The following FER1L6 variants were observed in gnomAD, a reference collection of about 807,000 sequenced individuals.
FER1L6 encodes the protein fer-1-like protein 6.
Under a neutral mutation model 219.2 loss-of-function variants are expected in FER1L6, and 177 were observed. That is an observed-to-expected ratio of 0.81 (90% CI 0.71 to 0.91). The LOEUF is 0.91. Ranked by LOEUF, FER1L6 falls within the 40% of genes least tolerant of loss-of-function variation. The pLI, the probability that FER1L6 is intolerant of heterozygous loss-of-function variation, is 0.00. For synonymous variants in FER1L6, 768 were observed against 824.3 expected, an observed-to-expected ratio of 0.93 and a Z score of 1.17; for missense variants, 2,153 against 2,259.9, an observed-to-expected ratio of 0.95 and a Z score of 0.96.
rs768409409 is a variant in FER1L6 at position 124,069,452 on chromosome 8, A to G, written c.3811A>G (p.Ile1271Val). The change falls in exon 29 of 41, where the codon ATC (isoleucine) becomes GTC (valine). Residue 1271 changes from isoleucine to valine, a missense_variant. Physicochemically the swap from Ile to Val is conservative, Grantham distance 29 (BLOSUM62 3). Transcript: ENST00000522917. ...CAAGAAGAAACCCAAAGATGATGGA[A>G]TCCCCAACCTGGCCATCTTGCAGGT... ...MLKKKPKDDGIPNLAILQIYD... is the reference protein window; with the variant it reads ...MLKKKPKDDGVPNLAILQIYD... 3 of 1,609,864 alleles carry G rather than the reference A, an allele frequency of 1.9e-6. No individual in the cohort carries two copies. The highest frequency in any genetic ancestry group is 2.5e-6 in the Non-Finnish European group (3 of 1,178,748).
At chr8:124,076,461 G>C in intron 32 of FER1L6, 136 bp downstream of exon 32, 1 of 832,552 alleles carries the variant, frequency 1.2e-6, no homozygotes, top group South Asian at 1.8e-5. Context: ...TTCTGCTCTT[G>C]GTAATAACCA....
At chr8:124,090,384 C>T (rs2130941326) in intron 33 of FER1L6, among the ~76,000 whole-genome samples, 1 of 152,288 alleles carries the variant, frequency 6.6e-6, no homozygotes, top group East Asian at 1.9e-4. Context: ...AAGCCACAGG[C>T]AAATGGTGCA....
At chr8:123,894,211 A>G (rs1812703441) in intron 1 of FER1L6, among the ~76,000 whole-genome samples, 1 of 152,186 alleles carries the variant, frequency 6.6e-6, no homozygotes, top group Non-Finnish European at 1.5e-5. Context: ...CATCCACAGA[A>G]TGAAATGCCA....
chr8:123,857,554 T>C (rs970874866), intron 1 of FER1L6, among the ~76,000 whole-genome samples: 1 of 152,208 alleles, frequency 6.6e-6, no homozygotes, highest in African/African-American at 2.4e-5. Context: ...TAACATCATA[T>C]GCAGTTAAAA....
At chr8:123,891,318 G>C (rs1812645296) in intron 1 of FER1L6, among the ~76,000 whole-genome samples, 1 of 152,200 alleles carries the variant, frequency 6.6e-6, no homozygotes, top group South Asian at 2.1e-4. Flanking sequence ...AGAAATTACT[G>C]TGTGCTTGTT....
chr8:123,954,974 C>T (rs987659211), intron 1 of FER1L6, among the ~76,000 whole-genome samples: 1 of 152,188 alleles, frequency 6.6e-6, no homozygotes, highest in African/African-American at 2.4e-5. Context: ...TTCCTCCAGC[C>T]CAGTTTCATC....
At chr8:123,966,346 C>G in intron 5 of FER1L6, 56 bp downstream of exon 5, 1 of 1,599,994 alleles carries the variant, frequency 6.3e-7, no homozygotes, top group Non-Finnish European at 8.5e-7. Context: ...CACCACCATT[C>G]TGCAGGATCC....
chr8:123,901,497 G>A (rs1039211277), intron 1 of FER1L6, among the ~76,000 whole-genome samples: 1 of 150,952 alleles, frequency 6.6e-6, no homozygotes. Flanking sequence ...ACTTCATTTA[G>A]TTGTGCTCTG....
At chr8:123,910,283 G>C (rs1294687984) in intron 1 of FER1L6, among the ~76,000 whole-genome samples, 2 of 152,228 alleles carry the variant, frequency 1.3e-5, no homozygotes, top group African/African-American at 4.8e-5. Flanking sequence ...TAGAGAATTT[G>C]ACTGGGGAAA....
intron 35 of FER1L6, 97 bp from the exon 36 acceptor site, chr8:124,097,174 T>G (rs950819170): frequency 1.2e-6 from 1 of 840,062 alleles, no homozygotes; most frequent in Non-Finnish European, 1.9e-6. Context: ...TAACACCTAT[T>G]TCTACTAAAG....
chr8:123,904,753 A>G (rs1032037756), intron 1 of FER1L6, among the ~76,000 whole-genome samples: 3 of 152,206 alleles, frequency 2.0e-5, no homozygotes, highest in African/African-American at 7.2e-5. Context: ...AGATTCCAAG[A>G]GCATAAGATA....
At chr8:124,072,002 C>T (rs1821096673) in intron 31 of FER1L6, among the ~76,000 whole-genome samples, 1 of 152,186 alleles carries the variant, frequency 6.6e-6, no homozygotes, top group South Asian at 2.1e-4. Context: ...CAACTACAGT[C>T]ACCTTAGGAG....
chr8:124,048,574 C>T (rs919370327), intron 21 of FER1L6, among the ~76,000 whole-genome samples: 1 of 152,206 alleles, frequency 6.6e-6, no homozygotes, highest in African/African-American at 2.4e-5. Context: ...TTTTAATATC[C>T]TTTTTTGCTA....
rs146846441 is a variant in FER1L6, at chr8:124,074,712, G to A, written c.4093-1486G>A. ...ATATATCTTTTAACGAAGGGAATAC[G>A]TTCTGAGAAATGTGTTGTTAGGCTG... On this transcript the variant is annotated intron_variant, in intron 31 of 40. Transcript: ENST00000522917. Among the ~76,000 whole-genome samples, 286 of 151,726 alleles carry A rather than the reference G, an allele frequency of 1.9e-3. 2 individuals carry two copies. The highest frequency in any genetic ancestry group is 6.6e-3 in the African/African-American group (274 of 41,364).
At position 124,058,076 on chromosome 8, in the gene FER1L6, G is replaced by C. The variant is rs181621341; in HGVS notation, c.2875-2104G>C. ...ATATGTAGTGAGCTAGTAAGTGATA[G>C]AGCCCAAGTAACCACTGTACTAAAG... On this transcript the variant is annotated intron_variant, in intron 22 of 40. Transcript: ENST00000522917. Among the ~76,000 whole-genome samples, 58 of 152,298 alleles carry C rather than the reference G, an allele frequency of 3.8e-4. No individual in the cohort carries two copies. The East Asian group carries it at 0.011, about 28-fold the overall frequency.
At chr8:123,927,064 C>T (rs1813590564) in intron 1 of FER1L6, among the ~76,000 whole-genome samples, 1 of 151,660 alleles carries the variant, frequency 6.6e-6, no homozygotes, top group African/African-American at 2.4e-5. Flanking sequence ...TCATGATACT[C>T]TATGAGATAG....
chr8:123,854,233 C>A (rs1303184807), intron 1 of FER1L6, among the ~76,000 whole-genome samples: 1 of 152,140 alleles, frequency 6.6e-6, no homozygotes, highest in African/African-American at 2.4e-5. Context: ...ATCCTTATGA[C>A]AACACTGAGA....
Position 124,069,492 on chromosome 8 carries a change from G to A in FER1L6, c.3834+17G>A. 1 of 1,575,052 alleles carries A rather than the reference G, an allele frequency of 6.3e-7. No homozygotes were observed. The highest frequency in any genetic ancestry group is 8.7e-7 in the Non-Finnish European group (1 of 1,152,392). On this transcript the variant is annotated intron_variant, in intron 29 of 40. Coordinates refer to ENST00000522917, the MANE Select transcript of FER1L6 (RefSeq NM_001039112.2). Reference sequence around the variant, plus strand: ...ATCTTGCAGGTATGTGGGGACACAGGCATCTCTGCCATGGATGGGGAGGGA... The same window carrying A: ...ATCTTGCAGGTATGTGGGGACACAGACATCTCTGCCATGGATGGGGAGGGA...
rs1586604257 is a variant in FER1L6, at chr8:124,023,682, T to G, written c.2286+86T>G. 5.0e-6 allele frequency: 7 copies of G among 1,402,786 alleles called. No individual in the cohort carries two copies. In the East Asian group the frequency reaches 1.6e-4, roughly 33 times the overall value. 86.9% of individuals were successfully genotyped at this position (1,402,786 alleles called of 1,614,324 possible). On this transcript the variant is annotated intron_variant, in intron 18 of 40. Transcript: ENST00000522917. ...ACTTTCTAGTGTGTGTCCATGGCTC[T>G]GACCATTCCCCAGTGCTTTCAAAGG...
Sources: gnomAD v4.1 joint callset for allele counts (sites outside exome capture counted in the v4.1 genomes callset) on GRCh38, gnomAD v4.1.1 for gene constraint, MANE v1.5 for transcripts, NCBI Gene and HGNC (gene_info 2026-07-23, HGNC 2026-07-21) for gene names.